COL3A1: variants seen among roughly 807,000 people sequenced by gnomAD.
The protein encoded by COL3A1 is collagen alpha-1(III) chain.
A neutral mutation model predicts 200.9 loss-of-function variants in COL3A1; 46 were observed. The ratio of observed to expected loss-of-function variants is 0.23; its 90% CI spans 0.18 to 0.29. COL3A1 has a LOEUF of 0.29. Ranked by LOEUF, COL3A1 falls within the 10% of genes least tolerant of loss-of-function variation. COL3A1 has a pLI of 1.00. For synonymous variants in COL3A1, 650 were observed against 628.0 expected, an observed-to-expected ratio of 1.03 and a Z score of -0.52; for missense variants, 1,367 against 1,917.6, an observed-to-expected ratio of 0.71 and a Z score of 5.36.
chr2:188,985,904 A>G (rs1688056228), intron 4 of COL3A1, 126 bp downstream of exon 4: 4 of 714,396 alleles, frequency 5.6e-6, no homozygotes, highest in Admixed American at 2.2e-5. Flanking sequence ...AGTGTATTTA[A>G]TAAATCCTTA....
chr2:189,003,123 G>T (rs1688506496), intron 36 of COL3A1, 61 bp downstream of exon 36: 53 of 1,307,672 alleles, frequency 4.1e-5, no homozygotes, highest in Non-Finnish European at 5.5e-5. Context: ...TTGATTATCT[G>T]TCTATCTCTC....
At position 188,998,215 on chromosome 2, in the gene COL3A1, CT is replaced by C. The variant is rs1421855570; in HGVS notation, c.1924-50del. 24 of 1,532,244 alleles carry C rather than the reference CT, an allele frequency of 1.6e-5. No individual in the cohort carries two copies. The African/African-American group carries it at 3.3e-4, about 21-fold the overall frequency. The allele number at this position is 1,532,244 out of a possible 1,614,324, so 94.9% of individuals were successfully genotyped here. A position where few individuals can be genotyped will look rare whatever the true frequency, so the allele number is the denominator to read the frequency against. On this transcript the variant is annotated intron_variant, in intron 27 of 50. Transcript: ENST00000304636. ...ACATGTGTACATATGAGAAGCTTTT[CT>C]ATAAGCCATGTTTGAGGTAATTACC...
intron 1 of COL3A1, among the ~76,000 whole-genome samples, chr2:188,977,494 G>A (rs755572517): frequency 2.4e-4 from 37 of 151,968 alleles, no homozygotes; most frequent in Non-Finnish European, 4.7e-4. Context: ...GTTTGTGTTT[G>A]TCCCTACAAT....
intron 5 of COL3A1, among the ~76,000 whole-genome samples, chr2:188,987,362 A>G (rs529402585): frequency 1.3e-5 from 2 of 152,140 alleles, no homozygotes; most frequent in South Asian, 2.1e-4. Context: ...TACTAAAAAA[A>G]AAAACCAAAG....
rs371100278 is a variant in COL3A1, at chr2:188,979,946, C to T, written c.80-4814C>T. Among the ~76,000 whole-genome samples the T allele has an allele frequency of 5.9e-5, 9 of 151,754 alleles. No individual in the cohort carries two copies. The East Asian group carries it at 9.7e-4, about 16-fold the overall frequency. ...ATCTGTAAAATTAGGATTATGACAG[C>T]TGTAAGCTCATAAGGCCTTTGGGAG... is the stretch of plus-strand genomic sequence containing the variant. On this transcript the variant is annotated intron_variant, in intron 1 of 50. Coordinates refer to ENST00000304636, the MANE Select transcript of COL3A1 (RefSeq NM_000090.4).
intron 11 of COL3A1, 128 bp downstream of exon 11, chr2:188,991,185 AT>A: frequency 1.1e-6 from 1 of 950,950 alleles, no homozygotes; most frequent in Non-Finnish European, 1.6e-6. Flanking sequence ...TTAGGTGTGA[AT>A]AATGGTAACC....
intron 3 of COL3A1, 144 bp from the exon 4 acceptor site, chr2:188,985,521 T>G: frequency 1.5e-6 from 1 of 671,264 alleles, no homozygotes; most frequent in Non-Finnish European, 2.5e-6. Context: ...ATTCACAAGA[T>G]TTTGATTAAA....
chr2:188,994,091 T>C lies in COL3A1; in HGVS notation c.1194+9T>C, dbSNP rs1244921213. 2.5e-6 allele frequency: 4 copies of C among 1,614,060 alleles called. No individual in the cohort carries two copies. Among genetic ancestry groups the C allele is most frequent in the Non-Finnish European group, 3.4e-6 (4 of 1,180,008 alleles). ...GTGGTAAAGGCGAAATGGTAAGCTG[T>C]CCCCACTCCTCAGCCTTATCTCATC... On this transcript the variant is annotated intron_variant, in intron 17 of 50. Coordinates refer to ENST00000304636, the MANE Select transcript of COL3A1 (RefSeq NM_000090.4). The surrounding 1 kb of genome is among the most constrained non-coding windows in gnomAD (Gnocchi z 4.5).
chr2:188,999,166 A>T (rs1688394414), intron 29 of COL3A1, 119 bp from the exon 30 acceptor site: 5 of 974,826 alleles, frequency 5.1e-6, no homozygotes, highest in Non-Finnish European at 6.3e-6. Context: ...AAGTATACAA[A>T]TTTCTAGATT....
rs138608598 is a variant in COL3A1 at position 189,008,997 on chromosome 2, T to C, written c.3599T>C (p.Val1200Ala). The change falls in exon 48 of 51, where the codon GTT becomes GCT. Residue 1200 changes from valine (V) to alanine (A), a missense_variant. Physicochemically the swap from Val to Ala is moderately conservative, Grantham distance 64 (BLOSUM62 0). This residue lies in a region of COL3A1 where 846 missense variants were observed against 1,147.9 expected (regional missense o/e 0.74). Transcript: ENST00000304636. Reference sequence around the variant, plus strand: ...GCCCCTGGTCCTTGCTGTGGTGGTGTTGGAGCCGCTGCCATTGCTGGGATT... The same window carrying C: ...GCCCCTGGTCCTTGCTGTGGTGGTGCTGGAGCCGCTGCCATTGCTGGGATT... ...PGAPGPCCGG[V>A]GAAAIAGIGG... is the part of the protein sequence containing the mutation. 2 of 1,614,062 alleles carry C rather than the reference T, an allele frequency of 1.2e-6. No homozygotes were observed. The highest frequency in any genetic ancestry group is 1.3e-5 in the African/African-American group (1 of 74,914).
intron 1 of COL3A1, among the ~76,000 whole-genome samples, chr2:188,981,314 C>T (rs1411122448): frequency 2.0e-5 from 3 of 151,370 alleles, no homozygotes; most frequent in Non-Finnish European, 4.4e-5. Flanking sequence ...TATTATAGAT[C>T]CCAGCAAGGA....
chr2:189,009,245 T>G (rs375172109), intron 48 of COL3A1, 24 bp downstream of exon 48: 2 of 1,613,678 alleles, frequency 1.2e-6, no homozygotes, highest in Non-Finnish European at 1.7e-6. Flanking sequence ...TCTTTCATCT[T>G]CATGGCAATA....
Position 189,004,287 on chromosome 2 carries a change from A to G in COL3A1, c.2854A>G (p.Ile952Val), listed in dbSNP as rs1688538083. The change falls in exon 40 of 51, where the codon ATC (isoleucine) becomes GTC (valine). Residue 952 changes from isoleucine (I) to valine (V), a missense_variant. By Grantham distance (29) the Ile-to-Val change is conservative. Around this residue, in one of 5 missense-constraint regions of COL3A1, gnomAD observed 846 missense variants for 1,147.9 expected, o/e 0.74. Transcript: ENST00000304636. ...GAPGPLGIAG[I>V]TGARGLAGPP... Reference sequence around the variant, plus strand: ...TCCAGGCCCACTTGGGATTGCTGGGATCACTGGAGCACGGGGTCTTGCAGG... The same window carrying G: ...TCCAGGCCCACTTGGGATTGCTGGGGTCACTGGAGCACGGGGTCTTGCAGG... 1 of 1,607,626 alleles carries G rather than the reference A, an allele frequency of 6.2e-7. No individual in the cohort carries two copies. The highest frequency in any genetic ancestry group is 8.5e-7 in the Non-Finnish European group (1 of 1,177,318).
intron 32 of COL3A1, among the ~76,000 whole-genome samples, 189 bp from the exon 33 acceptor site, chr2:189,001,208 A>G (rs566677655): frequency 5.3e-5 from 8 of 152,312 alleles, no homozygotes; most frequent in Admixed American, 2.0e-4. Flanking sequence ...ATCCCCAAAG[A>G]GGCTTGTGTT....
intron 43 of COL3A1, 26 bp downstream of exon 43, chr2:189,006,478 C>A: frequency 6.2e-7 from 1 of 1,604,000 alleles, no homozygotes; most frequent in Non-Finnish European, 8.5e-7. Context: ...CAGCATCTGT[C>A]TTGTTTGTCT....
At chr2:188,981,617 G>C (rs1687954064) in intron 1 of COL3A1, among the ~76,000 whole-genome samples, 1 of 151,268 alleles carries the variant, frequency 6.6e-6, no homozygotes, top group African/African-American at 2.4e-5. Context: ...AAGAAATGAA[G>C]AGAATAATAT....
chr2:189,003,816 C>A (rs372966389), intron 38 of COL3A1, 29 bp downstream of exon 38: 20 of 1,611,002 alleles, frequency 1.2e-5, no homozygotes, highest in South Asian at 1.1e-4. Flanking sequence ...CTTTTCTCAT[C>A]ATACACTTCA....
chr2:188,991,160 C>A, intron 11 of COL3A1, 103 bp downstream of exon 11: 1 of 1,270,752 alleles, frequency 7.9e-7, no homozygotes, highest in Non-Finnish European at 1.1e-6. Context: ...CTGAAATTTA[C>A]CTGAATTTTA....
intron 16 of COL3A1, 75 bp downstream of exon 16, chr2:188,993,534 C>T: frequency 8.2e-7 from 1 of 1,219,662 alleles, no homozygotes. Flanking sequence ...ATGCTTACTC[C>T]ATGAAAGCAT....
Sources: gnomAD v4.1 joint callset for allele counts (sites outside exome capture counted in the v4.1 genomes callset) on GRCh38, gnomAD v4.1.1 for gene constraint, gnomAD v4.1.1 regional missense constraint, Gnocchi (gnomAD v3.1) non-coding constraint, MANE v1.5 for transcripts, NCBI Gene and HGNC (gene_info 2026-07-23, HGNC 2026-07-21) for gene names.